STAG1: variants seen among roughly 807,000 people sequenced by gnomAD.
STAG1 encodes the protein cohesin subunit SA-1.
A neutral mutation model predicts 170.9 loss-of-function variants in STAG1; 26 were observed. That is an observed-to-expected ratio of 0.15 (90% CI 0.11 to 0.21). STAG1 has a LOEUF of 0.21. Ranked by LOEUF, STAG1 falls within the 10% of genes least tolerant of loss-of-function variation. STAG1 has a pLI of 1.00. For synonymous variants in STAG1, 514 were observed against 497.7 expected (o/e 1.03, Z -0.44); for missense variants, 964 against 1,509.5 (o/e 0.64, Z 5.99).
intron 30 of STAG1, among the ~76,000 whole-genome samples, chr3:136,343,076 A>G (rs977452542): frequency 6.6e-6 from 1 of 152,168 alleles, no homozygotes; most frequent in Non-Finnish European, 1.5e-5. Flanking sequence ...TCTATTTTCA[A>G]CCTAACTAAA....
chr3:136,625,872 T>C (rs1324406511), intron 2 of STAG1, among the ~76,000 whole-genome samples: 1 of 152,170 alleles, frequency 6.6e-6, no homozygotes, highest in East Asian at 1.9e-4. Context: ...TTATATATCT[T>C]TAAAGTTAAT....
chr3:136,565,059 AGGG>A (rs1937015653), intron 5 of STAG1, among the ~76,000 whole-genome samples: 8 of 9,480 alleles, frequency 8.4e-4, no homozygotes, highest in African/African-American at 3.8e-3. Context: ...GGAGGGAGGG[AGGG>A]AGGGAGGGAG....
intron 4 of STAG1, among the ~76,000 whole-genome samples, chr3:136,579,440 C>T (rs1312937414): frequency 1.3e-5 from 2 of 152,118 alleles, no homozygotes; most frequent in Admixed American, 6.6e-5. Flanking sequence ...AGGCACTTAC[C>T]GTGCTGCATT....
chr3:136,720,828 T>C (rs1205344141), intron 1 of STAG1, among the ~76,000 whole-genome samples: 1 of 151,956 alleles, frequency 6.6e-6, no homozygotes, highest in Non-Finnish European at 1.5e-5. Context: ...AATCTGTGGA[T>C]GTACAAAATG....
intron 1 of STAG1, among the ~76,000 whole-genome samples, chr3:136,659,637 T>C (rs1042297564): frequency 2.0e-5 from 3 of 152,240 alleles, no homozygotes; most frequent in Non-Finnish European, 4.4e-5. Context: ...AAAAGGAATG[T>C]CTGGTATTCT....
intron 19 of STAG1, among the ~76,000 whole-genome samples, chr3:136,421,545 T>C (rs1343360178): frequency 1.3e-5 from 2 of 152,118 alleles, no homozygotes; most frequent in African/African-American, 4.8e-5. Flanking sequence ...ACTGGTAAGT[T>C]TCAATAGTAG....
rs570044245 is a variant in STAG1 at position 136,736,486 on chromosome 3, C to T, written c.-84+15709G>A. The T allele has an allele frequency of 8.9e-6, 12 of 1,343,400 alleles. No homozygotes were observed. The African/African-American group carries it at 1.0e-4, about 11-fold the overall frequency. 83.2% of individuals were successfully genotyped at this position (1,343,400 alleles called of 1,614,324 possible). A position where few individuals can be genotyped will look rare whatever the true frequency, so the allele number is the denominator to read the frequency against. ...GGGGAAGGTTCTGTGCCTGTGACCC[C>T]GGGTGGTCATTCACGCTGCTCCATT... On this transcript the variant is annotated intron_variant, in intron 1 of 33. Coordinates refer to ENST00000383202, the MANE Select transcript of STAG1 (RefSeq NM_005862.3).
At chr3:136,631,320 T>G (rs1449087427) in intron 1 of STAG1, among the ~76,000 whole-genome samples, 2 of 152,216 alleles carry the variant, frequency 1.3e-5, no homozygotes, top group African/African-American at 4.8e-5. Flanking sequence ...GGATACATAC[T>G]GCATGATTCC....
intron 1 of STAG1, among the ~76,000 whole-genome samples, chr3:136,666,108 A>AAAAAAAAG (rs1559938954): frequency 1.4e-5 from 2 of 141,350 alleles, no homozygotes; most frequent in East Asian, 4.2e-4. Flanking sequence ...AAAAAAAAAA[A>AAAAAAAAG]AAAGAAAGAA....
In STAG1 at chr3:136,682,840, T is replaced by C. The variant is rs141841194; in HGVS notation, c.-83-51859A>G. The stretch of plus-strand genomic sequence containing the variant: ...ACACCCATGTTCACAGTAGCATCAT[T>C]CACAATAGCCAAAAGGCAGAAGCAA... On this transcript the variant is annotated intron_variant, in intron 1 of 33. Transcript: ENST00000383202. Among the ~76,000 whole-genome samples the C allele has an allele frequency of 2.8e-4, 42 of 152,240 alleles. 1 individual carries two copies. Among genetic ancestry groups the C allele is most frequent in the Non-Finnish European group, 2.5e-4 (17 of 68,018 alleles).
rs940029188 is a variant in STAG1, at chr3:136,340,711, AATC to A, written c.3558-109_3558-107del. The A allele has an allele frequency of 4.3e-6, 3 of 703,494 alleles. No homozygotes were observed. In the African/African-American group the frequency reaches 5.3e-5, roughly 13 times the overall value. The allele number at this position is 703,494 out of a possible 1,614,324, so 43.6% of individuals were successfully genotyped here. On this transcript the variant is annotated intron_variant, in intron 31 of 33. Coordinates refer to ENST00000383202, the MANE Select transcript of STAG1 (RefSeq NM_005862.3). ...TCTAACCAAGTGAAGTATACCTTCTAATCATGACCTACAGACTACACAAATTAG... is the reference window on the plus strand; with the variant it reads ...TCTAACCAAGTGAAGTATACCTTCTAATGACCTACAGACTACACAAATTAG...
At chr3:136,679,416 CA>C (rs1266351440) in intron 1 of STAG1, among the ~76,000 whole-genome samples, 1 of 149,224 alleles carries the variant, frequency 6.7e-6, no homozygotes, top group African/African-American at 2.5e-5. Context: ...CACATCTCTA[CA>C]AAAAAAAATA....
chr3:136,664,112 G>C (rs1576733553), intron 1 of STAG1, among the ~76,000 whole-genome samples: 1 of 152,266 alleles, frequency 6.6e-6, no homozygotes, highest in East Asian at 1.9e-4. Flanking sequence ...CCAGGTACTG[G>C]TCTAAAGTAT....
intron 1 of STAG1, among the ~76,000 whole-genome samples, chr3:136,735,851 C>A (rs1410272621): frequency 6.6e-6 from 1 of 152,176 alleles, no homozygotes; most frequent in Non-Finnish European, 1.5e-5. Flanking sequence ...CAAATGCAGA[C>A]AAGCTAGGAC....
At chr3:136,671,474 G>A (rs371030996) in intron 1 of STAG1, among the ~76,000 whole-genome samples, 5 of 152,124 alleles carry the variant, frequency 3.3e-5, no homozygotes, top group African/African-American at 1.2e-4. Flanking sequence ...TACTAGTGTA[G>A]GAATGCGAGA....
intron 9 of STAG1, chr3:136,499,965 T>C (rs748703299): frequency 4.6e-5 from 13 of 283,048 alleles, no homozygotes; most frequent in Non-Finnish European, 7.3e-5. Flanking sequence ...TATTAATTAA[T>C]ATTCCATCAG....
chr3:136,503,216 A>T (rs953140425), intron 7 of STAG1, among the ~76,000 whole-genome samples: 3 of 152,278 alleles, frequency 2.0e-5, no homozygotes, highest in Admixed American at 6.5e-5. Context: ...TTTACAATCA[A>T]TTTGTGATCT....
At chr3:136,528,387 A>T (rs1025258835) in intron 6 of STAG1, among the ~76,000 whole-genome samples, 1 of 152,028 alleles carries the variant, frequency 6.6e-6, no homozygotes, top group Non-Finnish European at 1.5e-5. Context: ...GCCAGGCGCT[A>T]TAAGAGATGT....
chr3:136,357,024 T>C (rs1339602827), intron 28 of STAG1, among the ~76,000 whole-genome samples: 1 of 152,086 alleles, frequency 6.6e-6, no homozygotes, highest in African/African-American at 2.4e-5. Flanking sequence ...CTCGGCTCAC[T>C]GCAAGCTCCG....
Sources: allele counts gnomAD v4.1 joint callset (sites outside exome capture counted in the v4.1 genomes callset), GRCh38; gene constraint gnomAD v4.1.1; transcripts MANE v1.5; gene names NCBI Gene and HGNC (gene_info 2026-07-23, HGNC 2026-07-21).